Variants in ACOT9 observed in about 807,000 individuals in gnomAD.
ACOT9 encodes the protein acyl-CoA thioesterase 9.
Under a neutral mutation model 39.7 loss-of-function variants are expected in ACOT9, and 34 were observed. That is an observed-to-expected ratio of 0.86 (90% CI 0.65 to 1.14). ACOT9 has a LOEUF of 1.14. Ranked by LOEUF, ACOT9 falls within the 50% of genes most tolerant of loss-of-function variation. The pLI, the probability that ACOT9 is intolerant of heterozygous loss-of-function variation, is 0.00. For missense variants in ACOT9, 313 were observed against 344.1 expected (o/e 0.91, Z 0.71); for synonymous variants, 110 against 120.5 (o/e 0.91, Z 0.57).
chrX:23,730,523 G>A lies in ACOT9; in HGVS notation c.400+4C>T, dbSNP rs777685224. On this transcript the variant is annotated splice_donor_region_variant and intron_variant, in intron 6 of 15. Transcript: ENST00000379303. ...TATTAGAAAGACTAAAATAATACCA[G>A]TACCTCCCAAGCTGTCAAGATCCTC... 6.7e-6 allele frequency: 8 copies of A among 1,200,520 alleles called. No individual in the cohort carries two copies. The highest frequency in any genetic ancestry group is 9.0e-6 in the Non-Finnish European group (8 of 885,647).
Position 23,705,851 on chromosome X carries a change from T to C in ACOT9, c.850A>G (p.Ser284Gly). The stretch of plus-strand genomic sequence containing the variant: ...GAGGGTAAAACTCGACTCCGAAAAC[T>C]TATAGTCCTGTACAAATGAATATTT... ...FLSTLDPKTISFRSRVLPSNA... is the reference protein window; with the variant it reads ...FLSTLDPKTIGFRSRVLPSNA... The change falls in exon 12 of 16, where the codon AGT becomes GGT. Residue 284 changes from serine to glycine, a missense_variant. Transcript: ENST00000379303. The C allele has an allele frequency of 8.4e-7, 1 of 1,192,663 alleles. No individual in the cohort carries two copies. Among genetic ancestry groups the C allele is most frequent in the South Asian group, 1.8e-5 (1 of 56,574 alleles).
intron 6 of ACOT9, among the ~76,000 whole-genome samples, chrX:23,727,867 C>T (rs150104630): frequency 0.037 from 4,007 of 107,406 alleles, 204 homozygotes; most frequent in African/African-American, 0.13. Flanking sequence ...GATGTGATGG[C>T]GGGTGCCTGT....
intron 1 of ACOT9, among the ~76,000 whole-genome samples, chrX:23,736,332 G>A (rs190865700): frequency 2.1e-4 from 23 of 112,051 alleles, no homozygotes; most frequent in African/African-American, 6.8e-4. Context: ...GTCCATAATC[G>A]ATTTAGTAAA....
chrX:23,743,180 G>A lies in ACOT9; in HGVS notation c.-36C>T, dbSNP rs764682123. 2 of 1,146,499 alleles carry A rather than the reference G, an allele frequency of 1.7e-6. No homozygotes were observed. Among genetic ancestry groups the A allele is most frequent in the Non-Finnish European group, 2.3e-6 (2 of 861,263 alleles). The allele number at this position is 1,146,499 out of a possible 1,213,427, so 94.5% of individuals were successfully genotyped here. On this transcript the variant is annotated 5_prime_UTR_variant, in exon 1 of 16. Coordinates refer to ENST00000379303, the MANE Select transcript of ACOT9 (RefSeq NM_001037171.2). Reference sequence around the variant, plus strand: ...TGCCGTGCGCGCGATGGAGAACCGGGCCCCGCGCGCTAGTCGGCGGAGGGA... The same window carrying A: ...TGCCGTGCGCGCGATGGAGAACCGGACCCCGCGCGCTAGTCGGCGGAGGGA...
chrX:23,706,298 G>A (rs190883926), intron 11 of ACOT9, among the ~76,000 whole-genome samples: 153 of 108,484 alleles, frequency 1.4e-3, no homozygotes, highest in African/African-American at 4.9e-3. Flanking sequence ...GGTGGCTCAC[G>A]CCTGTAATCC....
intron 8 of ACOT9, among the ~76,000 whole-genome samples, chrX:23,715,872 A>G (rs1193859436): frequency 1.8e-5 from 2 of 112,151 alleles, no homozygotes; most frequent in Non-Finnish European, 3.8e-5. Context: ...CTCCAAGAGA[A>G]TGGAACTTTA....
At chrX:23,739,460 T>C (rs920706973) in intron 1 of ACOT9, among the ~76,000 whole-genome samples, 1 of 111,135 alleles carries the variant, frequency 9.0e-6, no homozygotes, top group Admixed American at 9.7e-5. Flanking sequence ...CAAAAATCTC[T>C]AGCTATCATT....
chrX:23,717,278 C>G (rs924395127), intron 8 of ACOT9, among the ~76,000 whole-genome samples: 1 of 111,377 alleles, frequency 9.0e-6, no homozygotes, highest in Non-Finnish European at 1.9e-5. Flanking sequence ...CCGTGAGCCA[C>G]TGCACCTGGG....
At chrX:23,709,341 C>T (rs1750009884) in intron 9 of ACOT9, among the ~76,000 whole-genome samples, 1 of 111,825 alleles carries the variant, frequency 8.9e-6, no homozygotes, top group African/African-American at 3.2e-5. Context: ...TGCAGTGAGC[C>T]GAGATAGCAC....
In ACOT9 at chrX:23,705,854, T is replaced by C. The variant is rs1232484345; in HGVS notation, c.847A>G (p.Ile283Val). 3.4e-6 allele frequency: 4 copies of C among 1,186,852 alleles called. No individual in the cohort carries two copies. Among genetic ancestry groups the C allele is most frequent in the South Asian group, 1.8e-5 (1 of 56,362 alleles). Residue 283 changes from isoleucine (I) to valine (V), a missense_variant, in exon 12 of 16, where the codon ATA (isoleucine) becomes GTA (valine). Ile to Val is a conservative substitution (Grantham distance 29). Transcript: ENST00000379303. ...GGTAAAACTCGACTCCGAAAACTTA[T>C]AGTCCTGTACAAATGAATATTTATT... ...MFLSTLDPKT[I>V]SFRSRVLPSN...
chrX:23,708,358 T>G (rs1928773643), intron 9 of ACOT9, among the ~76,000 whole-genome samples: 1 of 109,960 alleles, frequency 9.1e-6, no homozygotes, highest in South Asian at 3.8e-4. Context: ...AGGAGAAACC[T>G]CGTTTCTACT....
chrX:23,730,649 A>C, intron 5 of ACOT9, 85 bp from the exon 6 acceptor site: 5 of 1,003,558 alleles, frequency 5.0e-6, no homozygotes, highest in Non-Finnish European at 7.0e-6. Flanking sequence ...GGGTGATGAA[A>C]ATGTTCTAAA....
chrX:23,743,236 A>G lies in ACOT9; in HGVS notation c.-92T>C. On this transcript the variant is annotated 5_prime_UTR_variant, in exon 1 of 16. Coordinates refer to ENST00000379303, the MANE Select transcript of ACOT9 (RefSeq NM_001037171.2). The stretch of plus-strand genomic sequence containing the variant: ...AGGCGATAAAAGACGCACGAGTACC[A>G]GACCGCGCCCTTGCTGAGGACAGCC... The G allele has an allele frequency of 9.5e-7, 1 of 1,055,035 alleles. No individual in the cohort carries two copies. Among genetic ancestry groups the G allele is most frequent in the South Asian group, 2.4e-5 (1 of 42,081 alleles). The allele number at this position is 1,055,035 out of a possible 1,213,427, so 86.9% of individuals were successfully genotyped here. A position where few individuals can be genotyped will look rare whatever the true frequency, so the allele number is the denominator to read the frequency against.
At chrX:23,716,566 G>A (rs747326674) in intron 8 of ACOT9, among the ~76,000 whole-genome samples, 5 of 112,200 alleles carry the variant, frequency 4.5e-5, no homozygotes, top group South Asian at 7.3e-4. Flanking sequence ...CTATTCTTAC[G>A]ATGCTTGAAG....
At chrX:23,742,488 G>A (rs1291548657) in intron 1 of ACOT9, among the ~76,000 whole-genome samples, 1 of 110,637 alleles carries the variant, frequency 9.0e-6, no homozygotes, top group East Asian at 2.8e-4. Flanking sequence ...CCTTAACTGT[G>A]CCAGCTGGGA....
chrX:23,714,797 G>T (rs1929021184), intron 8 of ACOT9, among the ~76,000 whole-genome samples: 1 of 110,058 alleles, frequency 9.1e-6, no homozygotes, highest in Admixed American at 9.8e-5. Context: ...GCTAATTTTT[G>T]TAGAGATGGG....
chrX:23,716,021 G>A (rs747321167), intron 8 of ACOT9, among the ~76,000 whole-genome samples: 8 of 111,992 alleles, frequency 7.1e-5, no homozygotes, highest in Admixed American at 2.9e-4. Context: ...AGTAGAGTCC[G>A]CAGTGGAAGA....
At chrX:23,733,510 T>C (rs1929828427) in intron 3 of ACOT9, among the ~76,000 whole-genome samples, 1 of 112,202 alleles carries the variant, frequency 8.9e-6, no homozygotes, top group East Asian at 2.8e-4. Context: ...ATTCACTTAA[T>C]GGGGCTGTAT....
chrX:23,729,073 C>G (rs1272897177), intron 6 of ACOT9, among the ~76,000 whole-genome samples: 2 of 110,701 alleles, frequency 1.8e-5, no homozygotes, highest in African/African-American at 6.6e-5. Flanking sequence ...ACCTGCCACC[C>G]CCCCCCACAT....
Sources: allele counts gnomAD v4.1 joint callset (sites outside exome capture counted in the v4.1 genomes callset), GRCh38; gene constraint gnomAD v4.1.1; transcripts MANE v1.5; gene names NCBI Gene and HGNC (gene_info 2026-07-23, HGNC 2026-07-21).